ZNF385B: variants seen among roughly 807,000 people sequenced by gnomAD.
ZNF385B encodes the protein zinc finger protein 385B.
A neutral mutation model predicts 39.2 loss-of-function variants in ZNF385B; 23 were observed. The observed-to-expected ratio is 0.59, with a 90% CI of 0.42 to 0.83. ZNF385B has a LOEUF of 0.83. ZNF385B is among the 40% of genes least tolerant of loss of function. The pLI, the probability that ZNF385B is intolerant of heterozygous loss-of-function variation, is 0.00. For synonymous variants in ZNF385B, 205 were observed against 222.6 expected (o/e 0.92, Z 0.70); for missense variants, 552 against 598.9 (o/e 0.92, Z 0.82).
chr2:179,621,054 T>C (rs779672239), intron 3 of ZNF385B, among the ~76,000 whole-genome samples: 7 of 152,130 alleles, frequency 4.6e-5, no homozygotes, highest in Non-Finnish European at 1.0e-4. Flanking sequence ...TCTTGGATCA[T>C]ACTAACCAGG....
chr2:179,521,353 G>GTTTTTTTTTTTTTTTTTTTTTTTTTTTTT (rs56392185), intron 4 of ZNF385B, among the ~76,000 whole-genome samples: 3 of 108,168 alleles, frequency 2.8e-5, no homozygotes, highest in Admixed American at 1.1e-4. Context: ...CACCTGGCCA[G>GTTTTTTTTTTTTTTTTTTTTTTTTTTTTT]TTTTTTTTTT....
At chr2:179,517,502 A>C (rs2058173970) in intron 5 of ZNF385B, among the ~76,000 whole-genome samples, 2 of 149,938 alleles carry the variant, frequency 1.3e-5, no homozygotes, top group Non-Finnish European at 3.0e-5. Flanking sequence ...AATCATGATA[A>C]ACATCTCTTT....
chr2:179,443,402 C>T lies in ZNF385B; in HGVS notation c.1309G>A (p.Ala437Thr), dbSNP rs764012985. 3 of 1,611,646 alleles carry T rather than the reference C, an allele frequency of 1.9e-6. No homozygotes were observed. Among genetic ancestry groups the T allele is most frequent in the Non-Finnish European group, 2.5e-6 (3 of 1,179,168 alleles). The change falls in exon 10 of 10, where the codon GCA becomes ACA. Residue 437 changes from alanine (A) to threonine (T), a missense_variant. By Grantham distance (58) the Ala-to-Thr change is moderately conservative. Transcript: ENST00000410066. ...GCTGAGGACACGGCTGCCGCCGCTG[C>T]GAGAGGTGAGGACAGGAAGGCTGGG... is the stretch of plus-strand genomic sequence containing the variant. ...LAPAFLSSPL[A>T]AAAAVSSALS...
intron 3 of ZNF385B, among the ~76,000 whole-genome samples, chr2:179,723,728 A>G (rs1361192761): frequency 6.6e-6 from 1 of 152,156 alleles, no homozygotes; most frequent in East Asian, 1.9e-4. Context: ...TTAAGGTTTT[A>G]TTTTTGAATA....
chr2:179,449,880 C>T (rs2049909693), intron 6 of ZNF385B, among the ~76,000 whole-genome samples: 1 of 151,838 alleles, frequency 6.6e-6, no homozygotes, highest in South Asian at 2.1e-4. Context: ...ACCAAAACAG[C>T]ATGGTACTGG....
intron 5 of ZNF385B, among the ~76,000 whole-genome samples, chr2:179,499,162 T>C (rs1344066075): frequency 1.3e-5 from 2 of 151,838 alleles, no homozygotes; most frequent in Non-Finnish European, 2.9e-5. Context: ...AGTAATGAGA[T>C]AGAAACTGTA....
chr2:179,577,231 T>A (rs1416478971), intron 3 of ZNF385B, among the ~76,000 whole-genome samples: 1 of 152,104 alleles, frequency 6.6e-6, no homozygotes, highest in Non-Finnish European at 1.5e-5. Context: ...AGGGATCTTA[T>A]TTTTTTAAGG....
chr2:179,804,149 C>G (rs963172140), intron 1 of ZNF385B, among the ~76,000 whole-genome samples: 2 of 152,166 alleles, frequency 1.3e-5, no homozygotes, highest in Non-Finnish European at 2.9e-5. Context: ...CCAAAGGGAA[C>G]CTTATTGTCA....
chr2:179,457,686 C>T (rs1364092012), intron 6 of ZNF385B, among the ~76,000 whole-genome samples: 7 of 151,986 alleles, frequency 4.6e-5, no homozygotes, highest in Middle Eastern at 3.4e-3. Context: ...ATTTTGTGAG[C>T]GTTTGTTCAT....
chr2:179,713,355 A>G (rs1170283125), intron 3 of ZNF385B, among the ~76,000 whole-genome samples: 3 of 152,134 alleles, frequency 2.0e-5, no homozygotes, highest in Non-Finnish European at 4.4e-5. Flanking sequence ...TCCAGCCACG[A>G]TGGTCTTCTT....
chr2:179,454,001 G>A (rs1013570759), intron 6 of ZNF385B, among the ~76,000 whole-genome samples: 1 of 152,132 alleles, frequency 6.6e-6, no homozygotes. Context: ...GAAAGCGCAA[G>A]AATCAGAAAG....
At chr2:179,656,742 CTATAGATATACCATA>C (rs1228006429) in intron 3 of ZNF385B, among the ~76,000 whole-genome samples, 5 of 152,076 alleles carry the variant, frequency 3.3e-5, no homozygotes, top group Non-Finnish European at 5.9e-5. Context: ...AATTTTAATA[CTATAGATATACCATA>C]TATCTATGTA....
chr2:179,760,869 G>A (rs1464318898), intron 3 of ZNF385B, among the ~76,000 whole-genome samples: 2 of 152,070 alleles, frequency 1.3e-5, no homozygotes, highest in East Asian at 3.9e-4. Flanking sequence ...AAATTTTTAT[G>A]TTTTTTACAT....
At chr2:179,699,676 T>C (rs1699031536) in intron 3 of ZNF385B, among the ~76,000 whole-genome samples, 1 of 152,192 alleles carries the variant, frequency 6.6e-6, no homozygotes, top group African/African-American at 2.4e-5. Flanking sequence ...ACAACCCTGA[T>C]CCACTTGAGC....
chr2:179,693,192 C>T (rs1160140166), intron 3 of ZNF385B, among the ~76,000 whole-genome samples: 1 of 152,188 alleles, frequency 6.6e-6, no homozygotes, highest in Non-Finnish European at 1.5e-5. Context: ...TGGCTCCTAA[C>T]CTTGTTTCTA....
intron 3 of ZNF385B, among the ~76,000 whole-genome samples, chr2:179,574,616 GC>G (rs1313785799): frequency 6.6e-6 from 1 of 152,162 alleles, no homozygotes; most frequent in Non-Finnish European, 1.5e-5. Flanking sequence ...ACCATTAAAA[GC>G]CACAAAGCCT....
chr2:179,700,279 T>C (rs1488087112), intron 3 of ZNF385B, among the ~76,000 whole-genome samples: 1 of 152,246 alleles, frequency 6.6e-6, no homozygotes, highest in Non-Finnish European at 1.5e-5. Context: ...AATTGCTGAC[T>C]GTGTCCTCAC....
intron 3 of ZNF385B, among the ~76,000 whole-genome samples, chr2:179,603,906 GA>G (rs1303206797): frequency 6.6e-6 from 1 of 151,958 alleles, no homozygotes; most frequent in African/African-American, 2.4e-5. Context: ...CTACAAGAAA[GA>G]AAAAATAACT....
intron 1 of ZNF385B, among the ~76,000 whole-genome samples, chr2:179,818,897 G>A (rs1286725383): frequency 1.3e-5 from 2 of 152,146 alleles, no homozygotes; most frequent in Non-Finnish European, 2.9e-5. Context: ...CTTCCCCAGA[G>A]TGCCAGTTCC....
Sources: allele counts gnomAD v4.1 joint callset (sites outside exome capture counted in the v4.1 genomes callset), GRCh38; gene constraint gnomAD v4.1.1; transcripts MANE v1.5; gene names NCBI Gene and HGNC (gene_info 2026-07-23, HGNC 2026-07-21).